Variants in SPCS2 observed in about 807,000 individuals in gnomAD.
The protein encoded by SPCS2 is SPase 25 kDa subunit.
In SPCS2, 3 loss-of-function variants were observed where a neutral mutation model predicts 22.3. The observed-to-expected ratio is 0.13, with a 90% CI of 0.06 to 0.35. The LOEUF is 0.35. SPCS2 is among the 10% of genes least tolerant of loss of function. SPCS2 has a pLI of 1.00. For synonymous variants in SPCS2, 67 were observed against 97.2 expected, an observed-to-expected ratio of 0.69 and a Z score of 1.83; for missense variants, 169 against 280.9, an observed-to-expected ratio of 0.60 and a Z score of 2.85.
chr11:74,953,128 GA>G (rs1565484275), intron 1 of SPCS2, among the ~76,000 whole-genome samples: 2 of 151,924 alleles, frequency 1.3e-5, no homozygotes, highest in East Asian at 1.9e-4. Flanking sequence ...AGAACTTGGG[GA>G]AAAAAATGTT....
At chr11:74,970,039 C>T (rs978777810) in intron 4 of SPCS2, among the ~76,000 whole-genome samples, 1 of 152,192 alleles carries the variant, frequency 6.6e-6, no homozygotes, top group Admixed American at 6.5e-5. Context: ...TTCTATGATC[C>T]TGTCTTCTCT....
At chr11:74,951,810 C>CAA (rs61038317) in intron 1 of SPCS2, among the ~76,000 whole-genome samples, 1 of 81,374 alleles carries the variant, frequency 1.2e-5, no homozygotes, top group East Asian at 4.0e-4. Context: ...AACTCTGTCT[C>CAA]AAAAAAAAAA....
At chr11:74,973,197 C>T (rs2140221435) in intron 4 of SPCS2, among the ~76,000 whole-genome samples, 1 of 152,296 alleles carries the variant, frequency 6.6e-6, no homozygotes, top group Middle Eastern at 3.4e-3. Flanking sequence ...TTGCAGCTTC[C>T]AATGCGTCCT....
At chr11:74,968,184 A>T (rs2140219303) in intron 3 of SPCS2, 1 of 151,844 alleles carries the variant, frequency 6.6e-6, no homozygotes, top group Non-Finnish European at 1.5e-5. Context: ...CTATTTTTTA[A>T]CTCTTCTTTA....
Position 74,976,996 on chromosome 11 carries a change from A to G in SPCS2, c.634A>G (p.Ile212Val). Residue 212 changes from isoleucine to valine, a missense_variant, in exon 5 of 5, where the codon ATA (isoleucine) becomes GTA (valine). Ile to Val is a conservative substitution (Grantham distance 29, BLOSUM62 3). Coordinates refer to ENST00000263672, the MANE Select transcript of SPCS2 (RefSeq NM_014752.3). ...GGTCATGGATGCATATGAGCCTGAAATATCCAGGCTCCATGACAGTCTTGC... is the reference window on the plus strand; with the variant it reads ...GGTCATGGATGCATATGAGCCTGAAGTATCCAGGCTCCATGACAGTCTTGC... Reference protein sequence around the residue: ...TLVMDAYEPEISRLHDSLAIE... With the variant: ...TLVMDAYEPEVSRLHDSLAIE... 1 of 1,584,430 alleles carries G rather than the reference A, an allele frequency of 6.3e-7. No homozygotes were observed. The highest frequency in any genetic ancestry group is 8.6e-7 in the Non-Finnish European group (1 of 1,158,338).
intron 1 of SPCS2, 94 bp downstream of exon 1, chr11:74,949,493 G>A (rs781442652): frequency 1.8e-6 from 2 of 1,124,126 alleles, no homozygotes; most frequent in East Asian, 5.2e-5. Context: ...ATTTTCTACG[G>A]CCTTTTGAGG....
intron 1 of SPCS2, among the ~76,000 whole-genome samples, chr11:74,964,741 A>C (rs1014174413): frequency 1.3e-5 from 2 of 152,226 alleles, no homozygotes; most frequent in Non-Finnish European, 2.9e-5. Context: ...TATTCTCTGC[A>C]TGGAGACTGG....
chr11:74,973,408 T>G (rs1948598090), intron 4 of SPCS2, among the ~76,000 whole-genome samples: 1 of 152,216 alleles, frequency 6.6e-6, no homozygotes, highest in South Asian at 2.1e-4. Flanking sequence ...CCTCTCAGTT[T>G]TACTTCCTTT....
chr11:74,966,954 T>C (rs1182661793), intron 3 of SPCS2, among the ~76,000 whole-genome samples: 1 of 152,158 alleles, frequency 6.6e-6, no homozygotes, highest in Non-Finnish European at 1.5e-5. Flanking sequence ...AAGGTCCTAC[T>C]ACGTTGCCTA....
At chr11:74,954,656 A>G (rs1470389667) in intron 1 of SPCS2, among the ~76,000 whole-genome samples, 3 of 152,244 alleles carry the variant, frequency 2.0e-5, no homozygotes, top group Non-Finnish European at 4.4e-5. Flanking sequence ...TAATGAAACA[A>G]GGTGCTGGCC....
At chr11:74,965,708 C>G (rs979081695) in intron 2 of SPCS2, 55 bp from the exon 3 acceptor site, 3 of 1,436,004 alleles carry the variant, frequency 2.1e-6, no homozygotes, top group Non-Finnish European at 2.9e-6. Flanking sequence ...AGAATAAAAG[C>G]ACATACTGGG....
intron 2 of SPCS2, 138 bp from the exon 3 acceptor site, chr11:74,965,625 T>A (rs1948540064): frequency 3.0e-6 from 2 of 666,376 alleles, no homozygotes; most frequent in Admixed American, 3.4e-5. Flanking sequence ...GAGTTTTACT[T>A]GTTTGGTGTG....
Position 74,976,845 on chromosome 11 carries a change from C to A in SPCS2, c.495-12C>A. ...TTGGTTTTTAATTTGTTATCTTTGCCCCCATGCTTAGGTTTGATGACAAAT... is the reference window on the plus strand; with the variant it reads ...TTGGTTTTTAATTTGTTATCTTTGCACCCATGCTTAGGTTTGATGACAAAT... On this transcript the variant is annotated splice_polypyrimidine_tract_variant and intron_variant, in intron 4 of 4. Transcript: ENST00000263672. 1 of 1,613,524 alleles carries A rather than the reference C, an allele frequency of 6.2e-7. No homozygotes were observed. Among genetic ancestry groups the A allele is most frequent in the Non-Finnish European group, 8.5e-7 (1 of 1,179,600 alleles).
At chr11:74,955,851 A>AATATATAT (rs60855711) in intron 1 of SPCS2, among the ~76,000 whole-genome samples, 2,485 of 55,410 alleles carry the variant, frequency 0.045, 319 homozygotes, top group Non-Finnish European at 0.067. Flanking sequence ...TACTAATTAA[A>AATATATAT]ATATATATAT....
intron 1 of SPCS2, among the ~76,000 whole-genome samples, chr11:74,952,705 A>C (rs1948454171): frequency 1.3e-5 from 2 of 152,226 alleles, no homozygotes; most frequent in African/African-American, 4.8e-5. Flanking sequence ...AGGTGATGAG[A>C]ACCCCAACAT....
chr11:74,954,750 G>T (rs1469601261), intron 1 of SPCS2, among the ~76,000 whole-genome samples: 1 of 152,146 alleles, frequency 6.6e-6, no homozygotes, highest in Non-Finnish European at 1.5e-5. Context: ...GTATGTGTGT[G>T]TCAAAGGCCA....
At chr11:74,949,603 C>G (rs554279550) in intron 1 of SPCS2, 2 of 627,150 alleles carry the variant, frequency 3.2e-6, no homozygotes, top group East Asian at 3.3e-5. Context: ...TTTAGAACTT[C>G]TTCTTTTCTC....
chr11:74,974,844 G>A (rs1487927934), intron 4 of SPCS2, among the ~76,000 whole-genome samples: 1 of 152,048 alleles, frequency 6.6e-6, no homozygotes, highest in Non-Finnish European at 1.5e-5. Flanking sequence ...TGGATCTCCT[G>A]ACCTCGTGAT....
chr11:74,963,469 G>A (rs1948525665), intron 1 of SPCS2: 1 of 312,562 alleles, frequency 3.2e-6, no homozygotes, highest in Admixed American at 4.4e-5. Flanking sequence ...AAAAAAACAA[G>A]GTTGATGAAT....
Sources: gnomAD v4.1 joint callset for allele counts (sites outside exome capture counted in the v4.1 genomes callset) on GRCh38, gnomAD v4.1.1 for gene constraint, MANE v1.5 for transcripts, NCBI Gene and HGNC (gene_info 2026-07-23, HGNC 2026-07-21) for gene names.